The following GRM8 variants were observed in gnomAD, a reference collection of about 807,000 sequenced individuals.
GRM8 encodes metabotropic glutamate receptor 8.
In GRM8, 47 loss-of-function variants were observed where a neutral mutation model predicts 87.2. The ratio of observed to expected loss-of-function variants is 0.54; its 90% CI spans 0.43 to 0.69. The LOEUF (loss-of-function observed/expected upper bound fraction) is 0.69, where lower values mean the gene tolerates loss of function less well. GRM8 is among the 30% of genes least tolerant of loss of function. The pLI is 0.00. For synonymous variants in GRM8, 396 were observed against 404.5 expected, an observed-to-expected ratio of 0.98 and a Z score of 0.25; for missense variants, 1,019 against 1,139.2, an observed-to-expected ratio of 0.89 and a Z score of 1.52.
intron 8 of GRM8, among the ~76,000 whole-genome samples, chr7:126,545,365 C>T (rs954219553): frequency 4.6e-5 from 7 of 152,162 alleles, no homozygotes; most frequent in Non-Finnish European, 1.0e-4. Flanking sequence ...TAAATTTTAA[C>T]TTATGATAAT....
chr7:127,203,373 C>T (rs773918450), intron 2 of GRM8, among the ~76,000 whole-genome samples: 9 of 152,124 alleles, frequency 5.9e-5, no homozygotes, highest in Non-Finnish European at 8.8e-5. Context: ...CAGCATCACA[C>T]AATATACTCT....
intron 8 of GRM8, among the ~76,000 whole-genome samples, chr7:126,550,695 T>C (rs917461553): frequency 6.6e-6 from 1 of 152,050 alleles, no homozygotes; most frequent in African/African-American, 2.4e-5. Context: ...AAATTTGTAT[T>C]ATTCAATGTT....
intron 3 of GRM8, among the ~76,000 whole-genome samples, chr7:126,999,100 T>C (rs1586713435): frequency 6.6e-6 from 1 of 150,716 alleles, no homozygotes; most frequent in Non-Finnish European, 1.5e-5. Context: ...CAGAAACAAA[T>C]CCTTATTTTC....
chr7:126,624,732 CAGA>C (rs1800506460), intron 7 of GRM8, among the ~76,000 whole-genome samples: 1 of 11,124 alleles, frequency 9.0e-5, no homozygotes, highest in African/African-American at 1.9e-4. Context: ...ATTATTAGTT[CAGA>C]CAATCAATTG....
intron 2 of GRM8, among the ~76,000 whole-genome samples, chr7:127,199,037 C>T (rs1484289822): frequency 6.6e-6 from 1 of 152,094 alleles, no homozygotes; most frequent in Non-Finnish European, 1.5e-5. Flanking sequence ...GATGGGGTTT[C>T]TCCATATTGG....
chr7:126,701,053 G>A lies in GRM8; in HGVS notation c.1357+68812C>T, dbSNP rs1038676550. On this transcript the variant is annotated intron_variant, in intron 7 of 10. Transcript: ENST00000339582. ...TTAATAAATGTATATATATATGTGT[G>A]TATATATATATAACCAATAATTACC... 1.8e-4 allele frequency among the ~76,000 whole-genome samples: 27 copies of A among 150,304 alleles called. 1 individual carries two copies. Among genetic ancestry groups the A allele is most frequent in the Admixed American group, 2.0e-4 (3 of 15,044 alleles).
chr7:127,038,562 CAT>C (rs2132368469), intron 3 of GRM8, among the ~76,000 whole-genome samples: 1 of 152,156 alleles, frequency 6.6e-6, no homozygotes, highest in East Asian at 1.9e-4. Flanking sequence ...AGTGAACTCA[CAT>C]AAAGAACTTA....
At chr7:126,893,387 G>A (rs1163302622) in intron 6 of GRM8, among the ~76,000 whole-genome samples, 1 of 151,886 alleles carries the variant, frequency 6.6e-6, no homozygotes. Flanking sequence ...CAAACTATCA[G>A]AATAGTACAT....
chr7:127,182,659 G>GTC (rs1034534005), intron 2 of GRM8, among the ~76,000 whole-genome samples: 12 of 150,370 alleles, frequency 8.0e-5, no homozygotes, highest in Non-Finnish European at 1.5e-4. Flanking sequence ...GTGTGTGTGT[G>GTC]TGTGTGTGTG....
chr7:126,653,990 T>C (rs1233055740), intron 7 of GRM8, among the ~76,000 whole-genome samples: 1 of 152,210 alleles, frequency 6.6e-6, no homozygotes, highest in East Asian at 1.9e-4. Context: ...CACAAAAGCA[T>C]AGTCCTAGAG....
At chr7:126,781,818 A>AGG (rs1820108844) in intron 6 of GRM8, among the ~76,000 whole-genome samples, 6 of 152,034 alleles carry the variant, frequency 3.9e-5, no homozygotes, top group Non-Finnish European at 8.8e-5. Flanking sequence ...TGGGCTCAGG[A>AGG]CATCATCCTA....
intron 7 of GRM8, among the ~76,000 whole-genome samples, chr7:126,737,660 C>G (rs1814391117): frequency 6.6e-6 from 1 of 151,982 alleles, no homozygotes; most frequent in Admixed American, 6.6e-5. Context: ...TGAGCAATGT[C>G]CAGACGTACA....
chr7:127,127,488 A>T (rs1330543998), intron 2 of GRM8, among the ~76,000 whole-genome samples: 2 of 152,086 alleles, frequency 1.3e-5, no homozygotes, highest in Non-Finnish European at 2.9e-5. Flanking sequence ...CAGTAATATG[A>T]ATGAATCTCA....
chr7:126,795,301 TG>T (rs1218168157), intron 6 of GRM8, among the ~76,000 whole-genome samples: 1 of 152,080 alleles, frequency 6.6e-6, no homozygotes, highest in African/African-American at 2.4e-5. Context: ...AGAAGCAAAG[TG>T]AAGTACCCAT....
chr7:126,719,610 C>T (rs184170708), intron 7 of GRM8, among the ~76,000 whole-genome samples: 285 of 152,250 alleles, frequency 1.9e-3, no homozygotes, highest in African/African-American at 5.1e-3. Flanking sequence ...GGAACCACCA[C>T]GACACCTTAC....
intron 3 of GRM8, among the ~76,000 whole-genome samples, chr7:126,918,725 C>T (rs1804188519): frequency 6.6e-6 from 1 of 152,154 alleles, no homozygotes. Flanking sequence ...GATGCACTGT[C>T]AAACAATCTT....
At chr7:126,699,124 G>T (rs1241989474) in intron 7 of GRM8, among the ~76,000 whole-genome samples, 1 of 152,160 alleles carries the variant, frequency 6.6e-6, no homozygotes. Context: ...GCACCTGACT[G>T]CCAGGCAGAG....
At chr7:126,813,368 C>G (rs1793476353) in intron 6 of GRM8, among the ~76,000 whole-genome samples, 1 of 152,002 alleles carries the variant, frequency 6.6e-6, no homozygotes, top group Non-Finnish European at 1.5e-5. Context: ...TATGAAATAT[C>G]AATGTTAAGT....
intron 3 of GRM8, among the ~76,000 whole-genome samples, chr7:126,946,099 C>T (rs764566766): frequency 3.7e-4 from 56 of 152,172 alleles, no homozygotes; most frequent in Non-Finnish European, 6.8e-4. Context: ...GTTTGGCCTA[C>T]AGAATACAAA....
Sources: allele counts gnomAD v4.1 joint callset (sites outside exome capture counted in the v4.1 genomes callset), GRCh38; gene constraint gnomAD v4.1.1; transcripts MANE v1.5; gene names NCBI Gene and HGNC (gene_info 2026-07-23, HGNC 2026-07-21).